ULK4: variants seen among roughly 807,000 people sequenced by gnomAD.
ULK4 encodes the protein inactive serine/threonine-protein kinase ULK4.
Under a neutral mutation model 160.6 loss-of-function variants are expected in ULK4, and 133 were observed. The observed-to-expected ratio is 0.83, with a 90% CI of 0.72 to 0.96. The LOEUF is 0.96. Among genes scored for constraint, ULK4 ranks in the 40% least tolerant of loss-of-function variants. The probability of loss-of-function intolerance (pLI) is 0.00; values close to 1 mark genes in which losing one functional copy is unlikely to be tolerated. For synonymous variants in ULK4, 534 were observed against 539.8 expected, an observed-to-expected ratio of 0.99 and a Z score of 0.15; for missense variants, 1,580 against 1,499.5, an observed-to-expected ratio of 1.05 and a Z score of -0.89.
At chr3:41,921,250 T>C (rs1015007171) in intron 5 of ULK4, among the ~76,000 whole-genome samples, 1 of 152,128 alleles carries the variant, frequency 6.6e-6, no homozygotes, top group Non-Finnish European at 1.5e-5. Flanking sequence ...AGGCGAAGGC[T>C]GCAGTGAACC....
At chr3:41,421,477 G>C (rs2082662383) in intron 34 of ULK4, among the ~76,000 whole-genome samples, 1 of 152,100 alleles carries the variant, frequency 6.6e-6, no homozygotes, top group Non-Finnish European at 1.5e-5. Context: ...ATCTTAAATA[G>C]AGTTCTAAAA....
At chr3:41,611,270 G>T (rs2032661116) in intron 31 of ULK4, among the ~76,000 whole-genome samples, 1 of 152,176 alleles carries the variant, frequency 6.6e-6, no homozygotes, top group African/African-American at 2.4e-5. Flanking sequence ...GCCTTGTGCT[G>T]CCAATGAAAA....
chr3:41,264,213 A>T (rs1334011682), intron 35 of ULK4, among the ~76,000 whole-genome samples: 1 of 152,230 alleles, frequency 6.6e-6, no homozygotes, highest in Non-Finnish European at 1.5e-5. Flanking sequence ...AAGGTTGCAG[A>T]AGCAGGGACC....
At chr3:41,788,474 G>A (rs1389810911) in intron 21 of ULK4, among the ~76,000 whole-genome samples, 1 of 152,116 alleles carries the variant, frequency 6.6e-6, no homozygotes, top group African/African-American at 2.4e-5. Flanking sequence ...CACAAGTTCA[G>A]GAGATCGAGA....
At chr3:41,460,705 C>T (rs1261387610) in intron 33 of ULK4, among the ~76,000 whole-genome samples, 1 of 152,108 alleles carries the variant, frequency 6.6e-6, no homozygotes, top group Non-Finnish European at 1.5e-5. Flanking sequence ...AAAGGAAGCA[C>T]CTTTCTTCTT....
chr3:41,857,578 G>C (rs1001163347), intron 17 of ULK4, among the ~76,000 whole-genome samples: 5 of 152,282 alleles, frequency 3.3e-5, no homozygotes, highest in African/African-American at 1.2e-4. Context: ...GAATTCAGCA[G>C]TGAAGCCATC....
At chr3:41,833,183 T>G (rs2041647201) in intron 18 of ULK4, among the ~76,000 whole-genome samples, 1 of 152,184 alleles carries the variant, frequency 6.6e-6, no homozygotes, top group African/African-American at 2.4e-5. Flanking sequence ...GCTTTTCATT[T>G]GTTTGTGTCC....
At chr3:41,663,345 G>C (rs780031164) in intron 30 of ULK4, among the ~76,000 whole-genome samples, 7 of 152,040 alleles carry the variant, frequency 4.6e-5, no homozygotes, top group African/African-American at 7.2e-5. Flanking sequence ...TACATATATT[G>C]TTTCATCTCT....
chr3:41,523,377 C>T (rs184773117), intron 32 of ULK4, among the ~76,000 whole-genome samples: 2 of 152,254 alleles, frequency 1.3e-5, no homozygotes, highest in Admixed American at 1.3e-4. Context: ...CATTCTGGGA[C>T]TGAGATTGTG....
Position 41,877,841 on chromosome 3 carries a change from C to A in ULK4, c.1656+6033G>T, listed in dbSNP as rs533795944. Among the ~76,000 whole-genome samples the A allele has an allele frequency of 4.6e-5, 7 of 151,620 alleles. No homozygotes were observed. The East Asian group carries it at 7.9e-4, about 17-fold the overall frequency. On this transcript the variant is annotated intron_variant, in intron 17 of 36. Coordinates refer to ENST00000301831, the MANE Select transcript of ULK4 (RefSeq NM_017886.4). ...TACTAAAAATACAAAATTAGTCGGG[C>A]ATGATGGTGCATGCCTGTAATCTCA...
At position 41,556,638 on chromosome 3, in the gene ULK4, C is replaced by T. The variant is rs1317636464; in HGVS notation, c.3226+9387G>A. Among the ~76,000 whole-genome samples the T allele has an allele frequency of 2.0e-5, 3 of 151,940 alleles. 1 individual carries two copies. The highest frequency in any genetic ancestry group is 4.4e-5 in the Non-Finnish European group (3 of 67,980). ...AAGGAGCTGGGACTACAGGCACGTGCCACCATGCCTGGCTAACTTTTTGTA... is the reference window on the plus strand; with the variant it reads ...AAGGAGCTGGGACTACAGGCACGTGTCACCATGCCTGGCTAACTTTTTGTA... On this transcript the variant is annotated intron_variant, in intron 32 of 36. Coordinates refer to ENST00000301831, the MANE Select transcript of ULK4 (RefSeq NM_017886.4).
At chr3:41,366,592 T>A (rs2081259169) in intron 35 of ULK4, among the ~76,000 whole-genome samples, 1 of 150,754 alleles carries the variant, frequency 6.6e-6, no homozygotes, top group Non-Finnish European at 1.5e-5. Flanking sequence ...ATATACCTAT[T>A]ATGTATATAT....
intron 35 of ULK4, among the ~76,000 whole-genome samples, chr3:41,394,601 G>A (rs935044310): frequency 7.9e-5 from 12 of 151,996 alleles, no homozygotes; most frequent in African/African-American, 1.9e-4. Flanking sequence ...TAGAATGGTC[G>A]TATGGGTACT....
intron 35 of ULK4, among the ~76,000 whole-genome samples, chr3:41,258,737 C>G (rs181731304): frequency 1.9e-4 from 29 of 152,248 alleles, no homozygotes; most frequent in African/African-American, 6.7e-4. Context: ...GAGTGCCAGC[C>G]ATTATCTCAT....
At chr3:41,416,284 T>C (rs887562057) in intron 34 of ULK4, among the ~76,000 whole-genome samples, 16 of 152,178 alleles carry the variant, frequency 1.1e-4, no homozygotes, top group African/African-American at 3.6e-4. Context: ...CATTTAAAAA[T>C]TGGAATATTT....
intron 35 of ULK4, among the ~76,000 whole-genome samples, chr3:41,346,140 C>G (rs958701129): frequency 3.0e-4 from 45 of 152,110 alleles, no homozygotes; most frequent in African/African-American, 1.1e-3. Flanking sequence ...CATCTGAGGG[C>G]AGGAGGAACC....
chr3:41,271,377 G>C lies in ULK4; in HGVS notation c.3679-21803C>G, dbSNP rs577041753. Among the ~76,000 whole-genome samples the C allele has an allele frequency of 3.9e-4, 59 of 150,390 alleles. No homozygotes were observed. The Middle Eastern group carries it at 0.011, about 27-fold the overall frequency. On this transcript the variant is annotated intron_variant, in intron 35 of 36. Coordinates refer to ENST00000301831, the MANE Select transcript of ULK4 (RefSeq NM_017886.4). ...TATTTTGAGATTTATCCATATTATA[G>C]CATGTATCAATAGTTCTTTTTTTTT...
At chr3:41,592,726 C>T (rs116043980) in intron 31 of ULK4, among the ~76,000 whole-genome samples, 1,797 of 152,254 alleles carry the variant, frequency 0.012, 38 homozygotes, top group African/African-American at 0.042. Flanking sequence ...TTTTATTTAT[C>T]TGTAAAACAC....
intron 35 of ULK4, among the ~76,000 whole-genome samples, chr3:41,264,890 A>G (rs2079002932): frequency 6.6e-6 from 1 of 152,180 alleles, no homozygotes; most frequent in Non-Finnish European, 1.5e-5. Flanking sequence ...TCTGCCCTTA[A>G]TAACATGCTC....
Sources: gnomAD v4.1 joint callset for allele counts (sites outside exome capture counted in the v4.1 genomes callset) on GRCh38, gnomAD v4.1.1 for gene constraint, MANE v1.5 for transcripts, NCBI Gene and HGNC (gene_info 2026-07-23, HGNC 2026-07-21) for gene names.